ATXN1: variants seen among roughly 807,000 people sequenced by gnomAD.
ATXN1 encodes ataxin-1.
In ATXN1, 8 loss-of-function variants were observed where a neutral mutation model predicts 56.4. The observed-to-expected ratio is 0.14, with a 90% CI of 0.08 to 0.26. The LOEUF (loss-of-function observed/expected upper bound fraction) is 0.26. ATXN1 is among the 10% of genes least tolerant of loss of function. The pLI is 1.00. For missense variants in ATXN1, 987 were observed against 1,106.5 expected (o/e 0.89, Z 1.53); for synonymous variants, 514 against 494.6 (o/e 1.04, Z -0.52).
chr6:16,525,788 T>G (rs1561739687), intron 4 of ATXN1, among the ~76,000 whole-genome samples: 2 of 151,522 alleles, frequency 1.3e-5, no homozygotes, highest in Non-Finnish European at 1.5e-5. Flanking sequence ...TATACACACC[T>G]ATGTACCCAC....
intron 6 of ATXN1, among the ~76,000 whole-genome samples, chr6:16,433,512 T>A (rs1216979500): frequency 6.6e-6 from 1 of 152,176 alleles, no homozygotes; most frequent in African/African-American, 2.4e-5. Context: ...AAGAGAGATG[T>A]CCCTCCTGGT....
At chr6:16,758,444 A>C (rs1760954026) in intron 1 of ATXN1, among the ~76,000 whole-genome samples, 1 of 152,230 alleles carries the variant, frequency 6.6e-6, no homozygotes, top group South Asian at 2.1e-4. Flanking sequence ...CTGTCTGGGG[A>C]GATGCATTTA....
intron 6 of ATXN1, among the ~76,000 whole-genome samples, chr6:16,421,809 C>T (rs371263084): frequency 1.4e-4 from 22 of 152,098 alleles, no homozygotes; most frequent in Admixed American, 4.6e-4. Context: ...TGTGTGCAGG[C>T]GTGAGTGTGT....
chr6:16,759,445 T>A (rs1760989601), intron 1 of ATXN1, among the ~76,000 whole-genome samples: 2 of 150,842 alleles, frequency 1.3e-5, no homozygotes, highest in Non-Finnish European at 1.5e-5. Context: ...GAGTCCCTAC[T>A]GCACAGCATA....
chr6:16,480,878 GC>G (rs1760424455), intron 6 of ATXN1, among the ~76,000 whole-genome samples: 1 of 152,152 alleles, frequency 6.6e-6, no homozygotes, highest in South Asian at 2.1e-4. Context: ...GAAAGGGTGT[GC>G]CTGGGATGGG....
At chr6:16,571,733 T>C (rs969613537) in intron 4 of ATXN1, among the ~76,000 whole-genome samples, 2 of 151,974 alleles carry the variant, frequency 1.3e-5, no homozygotes, top group African/African-American at 4.8e-5. Context: ...CGATCACAGC[T>C]CACTGCAGCC....
intron 6 of ATXN1, among the ~76,000 whole-genome samples, chr6:16,413,398 C>T (rs4712283): frequency 0.074 from 11,249 of 151,864 alleles, 560 homozygotes; most frequent in Middle Eastern, 0.12. Context: ...AGATGCGGCT[C>T]GGGACCCATT....
At chr6:16,484,540 G>T (rs1760502657) in intron 6 of ATXN1, among the ~76,000 whole-genome samples, 1 of 152,176 alleles carries the variant, frequency 6.6e-6, no homozygotes, top group Admixed American at 6.5e-5. Context: ...CAGTGTACTT[G>T]ATCTCAACAG....
At chr6:16,401,082 TAAAG>T (rs1384945555) in intron 6 of ATXN1, among the ~76,000 whole-genome samples, 1 of 152,196 alleles carries the variant, frequency 6.6e-6, no homozygotes, top group African/African-American at 2.4e-5. Flanking sequence ...TACATTAAAA[TAAAG>T]AGTTGACCCA....
chr6:16,627,221 A>G (rs572619191), intron 3 of ATXN1, among the ~76,000 whole-genome samples: 27 of 152,220 alleles, frequency 1.8e-4, no homozygotes, highest in Non-Finnish European at 4.0e-4. Context: ...CTTTAAATAT[A>G]GAAGTTTAGA....
chr6:16,637,716 T>C (rs1318230002), intron 3 of ATXN1, among the ~76,000 whole-genome samples: 2 of 152,194 alleles, frequency 1.3e-5, no homozygotes, highest in African/African-American at 4.8e-5. Context: ...AGAAGCTATA[T>C]AGTTCAGTTC....
chr6:16,643,356 C>T (rs919482418), intron 3 of ATXN1, among the ~76,000 whole-genome samples: 2 of 151,942 alleles, frequency 1.3e-5, no homozygotes, highest in Non-Finnish European at 2.9e-5. Flanking sequence ...TGGCCAGCTG[C>T]GGTGGCTCAC....
At chr6:16,354,177 C>T (rs1027835806) in intron 6 of ATXN1, among the ~76,000 whole-genome samples, 32 of 152,244 alleles carry the variant, frequency 2.1e-4, no homozygotes, top group African/African-American at 7.2e-4. Context: ...AGTTCCCTGA[C>T]GGAGGAACAT....
At chr6:16,649,415 A>G (rs1271679931) in intron 3 of ATXN1, among the ~76,000 whole-genome samples, 1 of 152,200 alleles carries the variant, frequency 6.6e-6, no homozygotes, top group Non-Finnish European at 1.5e-5. Context: ...TATTCACAAA[A>G]TGTGGCCAGA....
At chr6:16,755,446 A>G (rs1181918995) in intron 1 of ATXN1, among the ~76,000 whole-genome samples, 1 of 152,212 alleles carries the variant, frequency 6.6e-6, no homozygotes, top group Non-Finnish European at 1.5e-5. Context: ...GAGCAACATA[A>G]TACAATACTA....
At chr6:16,459,187 C>T (rs1480595017) in intron 6 of ATXN1, among the ~76,000 whole-genome samples, 5 of 152,212 alleles carry the variant, frequency 3.3e-5, no homozygotes, top group African/African-American at 1.2e-4. Flanking sequence ...GAGCCATTAA[C>T]TATATGAATA....
chr6:16,359,922 G>A (rs1210643515), intron 6 of ATXN1, among the ~76,000 whole-genome samples: 1 of 152,060 alleles, frequency 6.6e-6, no homozygotes, highest in African/African-American at 2.4e-5. Context: ...GGGAGAAAGG[G>A]TGGGAGGGGG....
At chr6:16,360,200 G>A (rs1267943447) in intron 6 of ATXN1, among the ~76,000 whole-genome samples, 1 of 152,156 alleles carries the variant, frequency 6.6e-6, no homozygotes, top group African/African-American at 2.4e-5. Flanking sequence ...AATATTAGAA[G>A]CACCGGAGAG....
intron 6 of ATXN1, among the ~76,000 whole-genome samples, chr6:16,403,059 T>TAC (rs141099005): frequency 0.032 from 4,894 of 152,246 alleles, 250 homozygotes; most frequent in African/African-American, 0.11. Context: ...TGATTATATA[T>TAC]ACATACACAT....
Sources: gnomAD v4.1 joint callset for allele counts (sites outside exome capture counted in the v4.1 genomes callset) on GRCh38, gnomAD v4.1.1 for gene constraint, MANE v1.5 for transcripts, NCBI Gene and HGNC (gene_info 2026-07-23, HGNC 2026-07-21) for gene names.